The following KSR1 variants were observed in gnomAD, a reference collection of about 807,000 sequenced individuals.
KSR1 encodes the protein kinase suppressor of ras.
In KSR1, 35 loss-of-function variants were observed where a neutral mutation model predicts 92.9. The observed-to-expected ratio is 0.38, with a 90% CI of 0.29 to 0.50. The LOEUF (loss-of-function observed/expected upper bound fraction) is 0.50. Ranked by LOEUF, KSR1 falls within the 20% of genes least tolerant of loss-of-function variation. The probability of loss-of-function intolerance (pLI) is 0.94; values close to 1 mark genes in which losing one functional copy is unlikely to be tolerated. For missense variants in KSR1, 972 were observed against 1,158.5 expected, an observed-to-expected ratio of 0.84 and a Z score of 2.34; for synonymous variants, 467 against 472.6, an observed-to-expected ratio of 0.99 and a Z score of 0.15.
At chr17:27,505,814 C>T (rs1019019809) in intron 1 of KSR1, among the ~76,000 whole-genome samples, 2 of 152,206 alleles carry the variant, frequency 1.3e-5, no homozygotes, top group Non-Finnish European at 1.5e-5. Context: ...TTGCCATCAA[C>T]CATGCTTCCA....
chr17:27,539,046 G>A (rs944959062), intron 1 of KSR1, among the ~76,000 whole-genome samples: 1 of 152,188 alleles, frequency 6.6e-6, no homozygotes, highest in Non-Finnish European at 1.5e-5. Flanking sequence ...TAGGGAACAG[G>A]CCTTAAGGAT....
At chr17:27,463,637 C>T (rs2019551229) in intron 1 of KSR1, among the ~76,000 whole-genome samples, 1 of 152,080 alleles carries the variant, frequency 6.6e-6, no homozygotes, top group Non-Finnish European at 1.5e-5. Context: ...AGGGGGGCCC[C>T]CTGGGCTGAC....
At chr17:27,560,303 AGTT>A in intron 2 of KSR1, 1 of 380,510 alleles carries the variant, frequency 2.6e-6, no homozygotes, top group Non-Finnish European at 5.2e-6. Flanking sequence ...CCCGGTTGGA[AGTT>A]GTTGAAAGGA....
chr17:27,526,533 T>C (rs1443825530), intron 1 of KSR1: 6 of 1,604,088 alleles, frequency 3.7e-6, no homozygotes, highest in African/African-American at 2.7e-5. Context: ...ACACTCTCGC[T>C]CTGTCTGCTG....
In KSR1 at chr17:27,564,135, C is replaced by T. The variant is rs767652236; in HGVS notation, c.373-13357C>T. On this transcript the variant is annotated intron_variant, in intron 2 of 20. Transcript: ENST00000644974. ...TCCCAAGTAGCTGAGATTACAGATA[C>T]CCGTCACCACACCCAGCTAATTTTT... Among the ~76,000 whole-genome samples, 3 of 151,916 alleles carry T rather than the reference C, an allele frequency of 2.0e-5. No homozygotes were observed. In the South Asian group the frequency reaches 6.2e-4, roughly 32 times the overall value.
chr17:27,533,969 G>GTGTGTGTGTA (rs1597968682), intron 1 of KSR1, among the ~76,000 whole-genome samples: 1 of 152,144 alleles, frequency 6.6e-6, no homozygotes, highest in African/African-American at 2.4e-5. Flanking sequence ...GCGCACGTGT[G>GTGTGTGTGTA]TGTGTGTCTT....
At chr17:27,609,676 C>T (rs759952637) in intron 16 of KSR1, among the ~76,000 whole-genome samples, 80 of 152,328 alleles carry the variant, frequency 5.3e-4, no homozygotes, top group Non-Finnish European at 9.0e-4. Flanking sequence ...CCCCTCCCCT[C>T]ACATCTAGGG....
intron 2 of KSR1, among the ~76,000 whole-genome samples, chr17:27,576,930 C>G (rs1211989370): frequency 6.6e-6 from 1 of 152,156 alleles, no homozygotes; most frequent in Non-Finnish European, 1.5e-5. Context: ...TGACCTCGTG[C>G]AGGTGACATA....
In KSR1 at chr17:27,577,599, G is replaced by A. The variant is rs776900723; in HGVS notation, c.480G>A (p.Leu160=). 4 of 1,597,852 alleles carry A rather than the reference G, an allele frequency of 2.5e-6. No individual in the cohort carries two copies. The highest frequency in any genetic ancestry group is 2.6e-6 in the Non-Finnish European group (3 of 1,176,272). Residue 160 remains leucine (L), a synonymous_variant, in exon 3 of 21, where the codon CTG becomes CTA. Transcript: ENST00000644974. This position sits in a 1 kb window ranked among gnomAD's most constrained non-coding sequence, Gnocchi z 4.5. The part of the protein sequence containing the change: ...CGASGDECGR[L]QYALTCLRKV... ...CCAGCGGGGATGAGTGTGGCCGTCTGCAGTATGCCCTCACCTGCCTGCGGA... is the reference window on the plus strand; with the variant it reads ...CCAGCGGGGATGAGTGTGGCCGTCTACAGTATGCCCTCACCTGCCTGCGGA...
chr17:27,485,620 TTAACTTA>T lies in KSR1; in HGVS notation c.231+28748_231+28754del, dbSNP rs2068640677. ...TTTGTCCACCATCAGTGCCTAATAGTTAACTTATTTTCCTCTTGGTACTTTTTTTTCC... is the reference window on the plus strand; with the variant it reads ...TTTGTCCACCATCAGTGCCTAATAGTTTTTCCTCTTGGTACTTTTTTTTCC... On this transcript the variant is annotated intron_variant, in intron 1 of 20. Coordinates refer to ENST00000644974, the MANE Select transcript of KSR1 (RefSeq NM_001394583.1). Among the ~76,000 whole-genome samples, 7 of 152,338 alleles carry T rather than the reference TTAACTTA, an allele frequency of 4.6e-5. No homozygotes were observed. In the South Asian group the frequency reaches 1.4e-3, roughly 32 times the overall value.
At chr17:27,510,167 A>G (rs1374655164) in intron 1 of KSR1, among the ~76,000 whole-genome samples, 1 of 152,140 alleles carries the variant, frequency 6.6e-6, no homozygotes, top group Non-Finnish European at 1.5e-5. Flanking sequence ...CCCTTTTTCC[A>G]TGGACTTCTG....
At chr17:27,501,586 C>T (rs997661080) in intron 1 of KSR1, among the ~76,000 whole-genome samples, 3 of 152,122 alleles carry the variant, frequency 2.0e-5, no homozygotes, top group African/African-American at 7.2e-5. Flanking sequence ...AGCATGATGC[C>T]CTACATCCCA....
rs113210073 is a variant in KSR1 at position 27,459,094 on chromosome 17, C to T, written c.231+2220C>T. Among the ~76,000 whole-genome samples, 20 of 152,184 alleles carry T rather than the reference C, an allele frequency of 1.3e-4. No individual in the cohort carries two copies. The highest frequency in any genetic ancestry group is 3.3e-4 in the Admixed American group (5 of 15,290). Reference sequence around the variant, plus strand: ...AGAAGAATCTTTGCCATAGGAGCAGCGTGGTGAATAGGAAGCCCCATGGCT... The same window carrying T: ...AGAAGAATCTTTGCCATAGGAGCAGTGTGGTGAATAGGAAGCCCCATGGCT... On this transcript the variant is annotated intron_variant, in intron 1 of 20. Transcript: ENST00000644974. The surrounding 1 kb of genome is among the most constrained non-coding windows in gnomAD (Gnocchi z 4.6).
intron 1 of KSR1, among the ~76,000 whole-genome samples, chr17:27,537,164 T>G (rs937532782): frequency 6.6e-6 from 1 of 152,222 alleles, no homozygotes; most frequent in African/African-American, 2.4e-5. Flanking sequence ...TCTTCCTAAG[T>G]GCAGTGGTGC....
chr17:27,558,786 C>T (rs2071710211), intron 2 of KSR1, among the ~76,000 whole-genome samples: 1 of 151,938 alleles, frequency 6.6e-6, no homozygotes. Flanking sequence ...GCTGAAGGAC[C>T]CCCGCATCTT....
chr17:27,561,164 T>C (rs2071812562), intron 2 of KSR1, among the ~76,000 whole-genome samples: 1 of 152,224 alleles, frequency 6.6e-6, no homozygotes, highest in African/African-American at 2.4e-5. Flanking sequence ...CCCTGCAAGC[T>C]GATGGCAGGA....
intron 1 of KSR1, among the ~76,000 whole-genome samples, chr17:27,526,046 C>CTTTTCTTTTCTTTTCTTTTCTT (rs1555576231): frequency 0.063 from 3,778 of 59,550 alleles, 185 homozygotes; most frequent in African/African-American, 0.12. Flanking sequence ...TCTTTTCTTT[C>CTTTTCTTTTCTTTTCTTTTCTT]TCTCTCTCTC....
intron 18 of KSR1, among the ~76,000 whole-genome samples, chr17:27,612,223 C>T (rs1463474147): frequency 1.3e-5 from 2 of 152,118 alleles, no homozygotes; most frequent in Non-Finnish European, 2.9e-5. Flanking sequence ...GGAAATAGAG[C>T]GTTGCACTGG....
intron 19 of KSR1, among the ~76,000 whole-genome samples, chr17:27,618,996 A>C (rs968477276): frequency 6.6e-6 from 1 of 151,838 alleles, no homozygotes; most frequent in Non-Finnish European, 1.5e-5. Flanking sequence ...GCGCCCGGCC[A>C]GTTATAAACT....
Sources: allele counts gnomAD v4.1 joint callset (sites outside exome capture counted in the v4.1 genomes callset), GRCh38; gene constraint gnomAD v4.1.1; non-coding constraint Gnocchi (gnomAD v3.1); transcripts MANE v1.5; gene names NCBI Gene and HGNC (gene_info 2026-07-23, HGNC 2026-07-21).